The following LRRTM3 variants were observed in gnomAD, a reference collection of about 807,000 sequenced individuals.
LRRTM3 encodes the protein leucine rich repeat transmembrane neuronal 3.
Under a neutral mutation model 44.7 loss-of-function variants are expected in LRRTM3, and 24 were observed. That is an observed-to-expected ratio of 0.54 (90% CI 0.39 to 0.76). The LOEUF (loss-of-function observed/expected upper bound fraction) is 0.76. LRRTM3 is among the 30% of genes least tolerant of loss of function. LRRTM3 has a pLI of 0.00. For synonymous variants in LRRTM3, 277 were observed against 278.7 expected (o/e 0.99, Z 0.06); for missense variants, 587 against 702.2 (o/e 0.84, Z 1.85).
intron 2 of LRRTM3, among the ~76,000 whole-genome samples, chr10:66,952,562 C>T (rs1280932327): frequency 6.6e-6 from 1 of 151,970 alleles, no homozygotes; most frequent in African/African-American, 2.4e-5. Context: ...TGGAGGCACG[C>T]ACACATGCAT....
intron 2 of LRRTM3, among the ~76,000 whole-genome samples, chr10:67,025,391 C>T (rs1853310543): frequency 6.6e-6 from 1 of 151,678 alleles, no homozygotes; most frequent in South Asian, 2.1e-4. Flanking sequence ...ACATATCCAA[C>T]TTTTTACCTC....
chr10:66,972,249 C>T (rs1047470528), intron 2 of LRRTM3, among the ~76,000 whole-genome samples: 6 of 152,164 alleles, frequency 3.9e-5, no homozygotes, highest in Non-Finnish European at 7.3e-5. Context: ...CTTCATTATT[C>T]GGCTTCAGAG....
chr10:66,974,724 T>C (rs548693264), intron 2 of LRRTM3, among the ~76,000 whole-genome samples: 8 of 152,194 alleles, frequency 5.3e-5, no homozygotes, highest in Non-Finnish European at 1.2e-4. Flanking sequence ...CAGGAAGTTA[T>C]ATTCTCATTG....
chr10:67,058,608 C>CT (rs892187973), intron 2 of LRRTM3, among the ~76,000 whole-genome samples: 17 of 151,968 alleles, frequency 1.1e-4, no homozygotes, highest in Non-Finnish European at 2.9e-5. Flanking sequence ...TGCAAGGCCC[C>CT]TTTTTTTTCT....
rs143931978 is a variant in LRRTM3 at position 67,040,768 on chromosome 10, A to G, written c.1537-56819A>G. Among the ~76,000 whole-genome samples, 148 of 152,234 alleles carry G rather than the reference A, an allele frequency of 9.7e-4. 1 individual carries two copies. The highest frequency in any genetic ancestry group is 3.3e-3 in the African/African-American group (136 of 41,544). On this transcript the variant is annotated intron_variant, in intron 2 of 2. Coordinates refer to ENST00000361320, the MANE Select transcript of LRRTM3 (RefSeq NM_178011.5). ...AATGCATCCTGAAATATCAGCGTAAAAGCAGAATCCATTCTCTGTGGTATT... is the reference window on the plus strand; with the variant it reads ...AATGCATCCTGAAATATCAGCGTAAGAGCAGAATCCATTCTCTGTGGTATT...
chr10:66,964,173 A>T (rs1398150404), intron 2 of LRRTM3, among the ~76,000 whole-genome samples: 1 of 152,010 alleles, frequency 6.6e-6, no homozygotes, highest in African/African-American at 2.4e-5. Flanking sequence ...TGTCCACAGT[A>T]ACATCGTAGG....
At chr10:67,028,803 A>G (rs1313432373) in intron 2 of LRRTM3, among the ~76,000 whole-genome samples, 1 of 152,216 alleles carries the variant, frequency 6.6e-6, no homozygotes, top group Non-Finnish European at 1.5e-5. Flanking sequence ...CCTCCCAAGC[A>G]TTCTACAAGT....
chr10:66,940,731 A>G (rs561020377), intron 2 of LRRTM3, among the ~76,000 whole-genome samples: 53 of 152,286 alleles, frequency 3.5e-4, no homozygotes, highest in African/African-American at 1.3e-3. Context: ...ATCAATGGCT[A>G]AATTATTCCC....
chr10:66,993,797 A>C (rs1354823832), intron 2 of LRRTM3, among the ~76,000 whole-genome samples: 2 of 151,780 alleles, frequency 1.3e-5, no homozygotes, highest in Non-Finnish European at 2.9e-5. Context: ...ATTCTAATAA[A>C]TATATTTTGT....
At chr10:66,974,013 C>T (rs1239918548) in intron 2 of LRRTM3, among the ~76,000 whole-genome samples, 3 of 152,120 alleles carry the variant, frequency 2.0e-5, no homozygotes, top group African/African-American at 7.2e-5. Flanking sequence ...CAACTGTATA[C>T]ACCAGTGTAA....
chr10:67,004,448 G>A (rs1851859911), intron 2 of LRRTM3, among the ~76,000 whole-genome samples: 1 of 152,188 alleles, frequency 6.6e-6, no homozygotes, highest in African/African-American at 2.4e-5. Context: ...CCATGGCATG[G>A]TGTCTGATAC....
At chr10:66,930,476 C>G (rs182666044) in intron 2 of LRRTM3, among the ~76,000 whole-genome samples, 147 of 152,172 alleles carry the variant, frequency 9.7e-4, no homozygotes, top group African/African-American at 3.3e-3. Flanking sequence ...CTTTGGCTAG[C>G]CTCATTTTTA....
chr10:67,040,192 A>T (rs1261905632), intron 2 of LRRTM3, among the ~76,000 whole-genome samples: 1 of 152,038 alleles, frequency 6.6e-6, no homozygotes, highest in Non-Finnish European at 1.5e-5. Context: ...GGTGCCCTTT[A>T]ATGTTCTGAA....
intron 2 of LRRTM3, among the ~76,000 whole-genome samples, chr10:67,017,108 A>G (rs1023936611): frequency 5.4e-4 from 83 of 152,346 alleles, no homozygotes; most frequent in African/African-American, 1.9e-3. Context: ...ATTGTATAAT[A>G]AAATAGATGT....
intron 2 of LRRTM3, among the ~76,000 whole-genome samples, chr10:66,956,954 C>T (rs1848823091): frequency 1.3e-5 from 2 of 152,136 alleles, no homozygotes; most frequent in Admixed American, 6.6e-5. Flanking sequence ...TGCCTAATGG[C>T]TTTGCTTTGG....
intron 2 of LRRTM3, among the ~76,000 whole-genome samples, chr10:67,065,127 G>A (rs1032325565): frequency 1.3e-5 from 2 of 152,112 alleles, no homozygotes; most frequent in East Asian, 3.9e-4. Flanking sequence ...GAAATTCAAG[G>A]CACCATGGTT....
intron 2 of LRRTM3, among the ~76,000 whole-genome samples, chr10:66,933,617 T>C (rs1847530189): frequency 6.6e-6 from 1 of 152,178 alleles, no homozygotes. Context: ...GCTCTGATGT[T>C]TCTCCCCTGG....
At chr10:67,016,429 C>T (rs1391842089) in intron 2 of LRRTM3, among the ~76,000 whole-genome samples, 2 of 152,150 alleles carry the variant, frequency 1.3e-5, no homozygotes, top group Non-Finnish European at 2.9e-5. Flanking sequence ...AGTTTCCCTA[C>T]AGCAGTGTAC....
intron 2 of LRRTM3, among the ~76,000 whole-genome samples, chr10:66,983,216 G>T (rs1235656934): frequency 6.6e-6 from 1 of 152,126 alleles, no homozygotes; most frequent in Non-Finnish European, 1.5e-5. Flanking sequence ...AAAGACAAAT[G>T]GAGGCTTTGG....
Sources: allele counts gnomAD v4.1 joint callset (sites outside exome capture counted in the v4.1 genomes callset), GRCh38; gene constraint gnomAD v4.1.1; transcripts MANE v1.5; gene names NCBI Gene and HGNC (gene_info 2026-07-23, HGNC 2026-07-21).